Variants in EXPH5 observed in about 807,000 individuals in gnomAD.
EXPH5 encodes the protein exophilin-5.
Under a neutral mutation model 41.1 loss-of-function variants are expected in EXPH5, and 42 were observed. That is an observed-to-expected ratio of 1.02 (90% CI 0.80 to 1.32). The LOEUF (loss-of-function observed/expected upper bound fraction) is 1.32, where lower values mean the gene tolerates loss of function less well. EXPH5 is among the 40% of genes most tolerant of loss of function. EXPH5 has a pLI of 0.00. For synonymous variants in EXPH5, 798 were observed against 833.5 expected, an observed-to-expected ratio of 0.96 and a Z score of 0.73; for missense variants, 2,298 against 2,314.5, an observed-to-expected ratio of 0.99 and a Z score of 0.15.
chr11:108,541,794 C>G lies in EXPH5; in HGVS notation c.138G>C (p.Lys46Asn), dbSNP rs1157714334. 7 of 1,598,210 alleles carry G rather than the reference C, an allele frequency of 4.4e-6. No individual in the cohort carries two copies. Among genetic ancestry groups the G allele is most frequent in the Non-Finnish European group, 6.0e-6 (7 of 1,175,728 alleles). The change falls in exon 2 of 6, where the codon AAG (lysine) becomes AAC (asparagine). Residue 46 changes from lysine to asparagine, a missense_variant. Coordinates refer to ENST00000265843, the MANE Select transcript of EXPH5 (RefSeq NM_015065.3). The part of the protein sequence containing the change: ...KDRISKLQKT[K>N]RDIRWLQGVT... Reference sequence around the variant, plus strand: ...CTCCCTGAAGCCATCTGATATCCCTCTTTGTCTTCTGAAGTTTGCTGAAAT... The same window carrying G: ...CTCCCTGAAGCCATCTGATATCCCTGTTTGTCTTCTGAAGTTTGCTGAAAT...
At chr11:108,535,532 T>C (rs12290045) in intron 3 of EXPH5, among the ~76,000 whole-genome samples, 8,403 of 151,728 alleles carry the variant, frequency 0.055, 710 homozygotes, top group African/African-American at 0.19. Flanking sequence ...CGAGCAAGAG[T>C]ACACAGTGGG....
chr11:108,514,155 T>C lies in EXPH5; in HGVS notation c.1352A>G (p.Tyr451Cys). Residue 451 changes from tyrosine to cysteine, a missense_variant, in exon 6 of 6, where the codon TAC (tyrosine) becomes TGC (cysteine). Transcript: ENST00000265843. ...TFENSENMPF[Y>C]HQSNTFTRSF... ...TCTGGTAAATGTGTTGCTTTGATGG[T>C]AGAATGGCATGTTCTCTGAGTTCTC... 3 of 1,614,044 alleles carry C rather than the reference T, an allele frequency of 1.9e-6. No homozygotes were observed. Among genetic ancestry groups the C allele is most frequent in the Non-Finnish European group, 1.7e-6 (2 of 1,179,966 alleles).
chr11:108,602,220 G>T, the EXPH5 span, among the ~76,000 whole-genome samples: 1 of 152,098 alleles, frequency 6.6e-6, no homozygotes, highest in Non-Finnish European at 1.5e-5. Flanking sequence ...TTTATTCTGG[G>T]TTATTTTCAC....
Position 108,505,441 on chromosome 11 carries a change from T to G in EXPH5, c.*4096A>C, listed in dbSNP as rs2093639299. 1 of 152,222 alleles carries G rather than the reference T, an allele frequency of 6.6e-6. No homozygotes were observed. The allele number at this position is 152,222 out of a possible 1,614,324, so 9.4% of individuals were successfully genotyped here. ...AACCAAATCAAATAGTGCATCTGTT[T>G]AAGTCATTTATTTCAATACAGGCAT... On this transcript the variant is annotated 3_prime_UTR_variant, in exon 6 of 6. Coordinates refer to ENST00000265843, the MANE Select transcript of EXPH5 (RefSeq NM_015065.3).
intron 1 of EXPH5, among the ~76,000 whole-genome samples, chr11:108,585,795 T>C (rs992526426): frequency 1.3e-5 from 2 of 152,232 alleles, no homozygotes; most frequent in South Asian, 2.1e-4. Context: ...TGGATGTTGA[T>C]AGCAGCATTA....
In EXPH5 at chr11:108,506,309, A is replaced by G. The variant is rs920403304; in HGVS notation, c.*3228T>C. 1 of 152,244 alleles carries G rather than the reference A, an allele frequency of 6.6e-6. No individual in the cohort carries two copies. Among genetic ancestry groups the G allele is most frequent in the African/African-American group, 2.4e-5 (1 of 41,454 alleles). 9.4% of individuals were successfully genotyped at this position (152,244 alleles called of 1,614,324 possible). A position where few individuals can be genotyped will look rare whatever the true frequency, so the allele number is the denominator to read the frequency against. ...AACAAGTGCTTTATAAAAGTATAAAATTATAAAAGGTGCTATTTTCATGAA... is the reference window on the plus strand; with the variant it reads ...AACAAGTGCTTTATAAAAGTATAAAGTTATAAAAGGTGCTATTTTCATGAA... On this transcript the variant is annotated 3_prime_UTR_variant, in exon 6 of 6. Transcript: ENST00000265843.
rs559306018 is a variant in EXPH5, at chr11:108,517,000, T to C, written c.631+1235A>G. ...CCCATTCTCCCTTTCAAGCTGTTTA[T>C]GTTTTTCTTTCCCCTTAAAGTCTTG... On this transcript the variant is annotated intron_variant, in intron 5 of 5. Transcript: ENST00000265843. 2.6e-5 allele frequency among the ~76,000 whole-genome samples: 4 copies of C among 152,356 alleles called. No homozygotes were observed. In the South Asian group the frequency reaches 8.3e-4, roughly 32 times the overall value.
intron 3 of EXPH5, among the ~76,000 whole-genome samples, chr11:108,529,610 C>T (rs1228181104): frequency 1.3e-5 from 2 of 152,020 alleles, no homozygotes; most frequent in African/African-American, 2.4e-5. Flanking sequence ...TTTGGGAGGC[C>T]GAGGTGGGTG....
rs548524518 is a variant in EXPH5, at chr11:108,509,432, AC to A, written c.*104del. ...AGATGTGGGACATTTCAGAGCAGAC[AC>A]TGCCCAGACTAGATCTTTTATCCTT... On this transcript the variant is annotated 3_prime_UTR_variant, in exon 6 of 6. Transcript: ENST00000265843. 4.3e-4 allele frequency: 469 copies of A among 1,101,000 alleles called. 2 individuals carry two copies. In the African/African-American group the frequency reaches 6.4e-3, roughly 15 times the overall value. 68.2% of individuals were successfully genotyped at this position (1,101,000 alleles called of 1,614,324 possible). A position where few individuals can be genotyped will look rare whatever the true frequency, so the allele number is the denominator to read the frequency against.
chr11:108,536,743 A>G (rs190322583), intron 3 of EXPH5, among the ~76,000 whole-genome samples: 4 of 152,290 alleles, frequency 2.6e-5, no homozygotes, highest in Non-Finnish European at 5.9e-5. Context: ...GTTACCTATT[A>G]TCCAGTGCAT....
intron 4 of EXPH5, among the ~76,000 whole-genome samples, chr11:108,527,411 G>A (rs1215001022): frequency 6.6e-6 from 1 of 152,138 alleles, no homozygotes; most frequent in Non-Finnish European, 1.5e-5. Flanking sequence ...GAGAGAGAGA[G>A]AGAGAGAAAG....
At chr11:108,556,897 AG>A (rs2093992467) in intron 1 of EXPH5, among the ~76,000 whole-genome samples, 1 of 152,216 alleles carries the variant, frequency 6.6e-6, no homozygotes, top group South Asian at 2.1e-4. Context: ...GTGGTCTTCA[AG>A]GCTGCATAGT....
chr11:108,600,592 T>A, the EXPH5 span, among the ~76,000 whole-genome samples: 1 of 152,224 alleles, frequency 6.6e-6, no homozygotes, highest in African/African-American at 2.4e-5. Context: ...CCTACTAGTG[T>A]CTGGGTGGAA....
Position 108,512,031 on chromosome 11 carries a change from C to T in EXPH5, c.3476G>A (p.Arg1159Lys). ...ASELTPRAWE[R>K]IISPVESDSS... ...GTCACTTTCCACAGGGCTAATGATTCTCTCCCAAGCCCTTGGTGTTAGCTC... is the reference window on the plus strand; with the variant it reads ...GTCACTTTCCACAGGGCTAATGATTTTCTCCCAAGCCCTTGGTGTTAGCTC... The change falls in exon 6 of 6, where the codon AGA becomes AAA. Residue 1159 changes from arginine (R) to lysine (K), a missense_variant. Physicochemically the swap from Arg to Lys is conservative, Grantham distance 26. Transcript: ENST00000265843. The T allele has an allele frequency of 6.3e-7, 1 of 1,593,880 alleles. No individual in the cohort carries two copies.
At chr11:108,593,319 C>G (rs2094132763) in intron 1 of EXPH5, 99 bp downstream of exon 1, 2 of 1,051,082 alleles carry the variant, frequency 1.9e-6, no homozygotes, top group East Asian at 4.7e-5. Flanking sequence ...TCGGAGCACC[C>G]CCGGGCAGGT....
the EXPH5 span, among the ~76,000 whole-genome samples, chr11:108,601,876 G>A: frequency 2.6e-5 from 4 of 152,018 alleles, no homozygotes; most frequent in Non-Finnish European, 4.4e-5. Context: ...AGCCTCCCAC[G>A]TCGCTGGGTC....
At chr11:108,566,783 A>C (rs781687806) in intron 1 of EXPH5, among the ~76,000 whole-genome samples, 9 of 152,198 alleles carry the variant, frequency 5.9e-5, no homozygotes, top group Non-Finnish European at 1.2e-4. Flanking sequence ...TACTAGGATC[A>C]TGCAAGTCTT....
intron 4 of EXPH5, among the ~76,000 whole-genome samples, chr11:108,523,196 A>G (rs2093776376): frequency 6.6e-6 from 1 of 152,154 alleles, no homozygotes; most frequent in African/African-American, 2.4e-5. Flanking sequence ...TTGTATTTGA[A>G]CAAAATTACT....
At chr11:108,541,297 G>GCAAC (rs2093911445) in intron 2 of EXPH5, among the ~76,000 whole-genome samples, 1 of 152,102 alleles carries the variant, frequency 6.6e-6, no homozygotes, top group African/African-American at 2.4e-5. Flanking sequence ...TAAAGATGAA[G>GCAAC]CAACTGAGGT....
Sources: gnomAD v4.1 joint callset for allele counts (sites outside exome capture counted in the v4.1 genomes callset) on GRCh38, gnomAD v4.1.1 for gene constraint, MANE v1.5 for transcripts, NCBI Gene and HGNC (gene_info 2026-07-23, HGNC 2026-07-21) for gene names.